The following DOCK4 variants were observed in gnomAD, a reference collection of about 807,000 sequenced individuals.
The protein encoded by DOCK4 is dedicator of cytokinesis 4, also known as dedicator of cytokinesis protein 4.
A neutral mutation model predicts 268.1 loss-of-function variants in DOCK4; 97 were observed. The ratio of observed to expected loss-of-function variants is 0.36; its 90% confidence interval spans 0.31 to 0.43. The LOEUF is 0.43. Among genes scored for constraint, DOCK4 ranks in the 20% least tolerant of loss-of-function variants. DOCK4 has a pLI of 1.00. For missense variants in DOCK4, 2,145 were observed against 2,455.7 expected, an observed-to-expected ratio of 0.87 and a Z score of 2.67; for synonymous variants, 954 against 887.2, an observed-to-expected ratio of 1.08 and a Z score of -1.34.
At chr7:111,888,851 A>G (rs1190591414) in intron 16 of DOCK4, among the ~76,000 whole-genome samples, 1 of 152,088 alleles carries the variant, frequency 6.6e-6, no homozygotes, top group Non-Finnish European at 1.5e-5. Flanking sequence ...TCTTCACAAG[A>G]GGGTGGCGAA....
chr7:111,751,541 T>C (rs1796652498), intron 42 of DOCK4, among the ~76,000 whole-genome samples: 1 of 151,744 alleles, frequency 6.6e-6, no homozygotes, highest in African/African-American at 2.4e-5. Flanking sequence ...ACCTTCTGGG[T>C]TCAAGCAATT....
chr7:111,786,067 TAG>T (rs1441741958), intron 32 of DOCK4, among the ~76,000 whole-genome samples: 1 of 152,020 alleles, frequency 6.6e-6, no homozygotes, highest in Non-Finnish European at 1.5e-5. Flanking sequence ...ATCCAAAGAG[TAG>T]AGTTAGAGAT....
intron 1 of DOCK4, chr7:112,023,597 T>C (rs1324123051): frequency 2.2e-6 from 1 of 446,216 alleles, no homozygotes; most frequent in Non-Finnish European, 4.5e-6. Flanking sequence ...CTACTATTTT[T>C]TAAATCAGTA....
chr7:111,789,104 A>G (rs1799366464), intron 31 of DOCK4: 1 of 269,818 alleles, frequency 3.7e-6, no homozygotes, highest in African/African-American at 2.2e-5. Flanking sequence ...ATCACTATAT[A>G]TAAGGACATC....
At chr7:111,927,807 A>C (rs1408452154) in intron 12 of DOCK4, among the ~76,000 whole-genome samples, 1 of 152,134 alleles carries the variant, frequency 6.6e-6, no homozygotes, top group Non-Finnish European at 1.5e-5. Flanking sequence ...CATACTGACT[A>C]TTTGGAGAGA....
chr7:112,010,963 C>T (rs900539372), intron 1 of DOCK4, among the ~76,000 whole-genome samples: 2 of 152,192 alleles, frequency 1.3e-5, no homozygotes, highest in Non-Finnish European at 2.9e-5. Context: ...CTGTGATGCC[C>T]CTCCCAGATC....
chr7:111,950,373 A>G (rs1795961818), intron 8 of DOCK4, among the ~76,000 whole-genome samples: 1 of 152,252 alleles, frequency 6.6e-6, no homozygotes, highest in Non-Finnish European at 1.5e-5. Flanking sequence ...TGACAAAATT[A>G]GTTTTTGTAA....
chr7:112,013,590 T>A (rs1801540927), intron 1 of DOCK4, among the ~76,000 whole-genome samples: 3 of 152,198 alleles, frequency 2.0e-5, no homozygotes, highest in Admixed American at 2.0e-4. Context: ...TTCCCTCCAC[T>A]TGACATGTGG....
At chr7:111,835,983 G>A (rs113914555) in intron 25 of DOCK4, among the ~76,000 whole-genome samples, 1,582 of 152,038 alleles carry the variant, frequency 0.01, 31 homozygotes, top group African/African-American at 0.036. Flanking sequence ...AACCAGTGTG[G>A]GCCAGAAGAA....
intron 12 of DOCK4, among the ~76,000 whole-genome samples, chr7:111,923,745 G>A (rs1562891278): frequency 3.9e-5 from 6 of 152,200 alleles, no homozygotes; most frequent in Admixed American, 2.6e-4. Context: ...CCTACTAGAT[G>A]TATGCTGGTC....
At chr7:112,000,791 G>T (rs1800359998) in intron 2 of DOCK4, among the ~76,000 whole-genome samples, 1 of 152,066 alleles carries the variant, frequency 6.6e-6, no homozygotes, top group Non-Finnish European at 1.5e-5. Context: ...GTGAATAAAG[G>T]CTTTAAAATC....
intron 1 of DOCK4, among the ~76,000 whole-genome samples, chr7:112,193,182 T>C (rs931016628): frequency 2.0e-5 from 3 of 152,214 alleles, no homozygotes; most frequent in Non-Finnish European, 4.4e-5. Flanking sequence ...CTACCTCTTT[T>C]GGTTGCTTTG....
At chr7:112,094,049 G>C (rs1809883507) in intron 1 of DOCK4, among the ~76,000 whole-genome samples, 1 of 152,024 alleles carries the variant, frequency 6.6e-6, no homozygotes, top group African/African-American at 2.4e-5. Flanking sequence ...AATGGCAGCT[G>C]ATTGGCAAAT....
chr7:111,895,038 T>A (rs1022875361), intron 16 of DOCK4, among the ~76,000 whole-genome samples: 1 of 152,158 alleles, frequency 6.6e-6, no homozygotes, highest in Non-Finnish European at 1.5e-5. Flanking sequence ...TTTTTTACCC[T>A]ATAGTTCATT....
At chr7:111,778,465 G>C (rs938596067) in intron 35 of DOCK4, 96 bp from the exon 36 acceptor site, 1 of 653,164 alleles carries the variant, frequency 1.5e-6, no homozygotes, top group South Asian at 2.8e-5. Flanking sequence ...CTGGAGCCAA[G>C]AGAACGGATT....
chr7:112,071,284 T>C (rs1347139527), intron 1 of DOCK4, among the ~76,000 whole-genome samples: 1 of 152,202 alleles, frequency 6.6e-6, no homozygotes, highest in African/African-American at 2.4e-5. Context: ...GACACAGATT[T>C]TTTTCTACTA....
intron 1 of DOCK4, among the ~76,000 whole-genome samples, chr7:112,014,265 T>G (rs1012698966): frequency 6.6e-6 from 1 of 152,228 alleles, no homozygotes; most frequent in Non-Finnish European, 1.5e-5. Flanking sequence ...AATTAGCACT[T>G]CTTTTATGCG....
At chr7:112,094,208 A>T (rs1181402760) in intron 1 of DOCK4, among the ~76,000 whole-genome samples, 1 of 142,552 alleles carries the variant, frequency 7.0e-6, no homozygotes, top group Non-Finnish European at 1.6e-5. Flanking sequence ...TTGAATTAAC[A>T]GTCATCACAA....
At chr7:111,928,586 CTTT>C (rs200976875) in intron 12 of DOCK4, among the ~76,000 whole-genome samples, 3 of 129,504 alleles carry the variant, frequency 2.3e-5, no homozygotes. Context: ...TTTTCTTTTT[CTTT>C]TTTTTTTTTT....
Sources: allele counts gnomAD v4.1 joint callset (sites outside exome capture counted in the v4.1 genomes callset), GRCh38; gene constraint gnomAD v4.1.1; transcripts MANE v1.5; gene names NCBI Gene and HGNC (gene_info 2026-07-23, HGNC 2026-07-21).